The following SCML4 variants were observed in gnomAD, a reference collection of about 807,000 sequenced individuals.
SCML4 encodes the protein Scm polycomb group protein like 4.
A neutral mutation model predicts 41.1 loss-of-function variants in SCML4; 34 were observed. The ratio of observed to expected loss-of-function variants is 0.83; its 90% CI spans 0.63 to 1.10. The LOEUF (loss-of-function observed/expected upper bound fraction) is 1.10, where lower values mean the gene tolerates loss of function less well. Among genes scored for constraint, SCML4 ranks in the 50% least tolerant of loss-of-function variants. SCML4 has a pLI of 0.00. For synonymous variants in SCML4, 214 were observed against 220.9 expected (o/e 0.97, Z 0.28); for missense variants, 522 against 534.1 (o/e 0.98, Z 0.22).
At chr6:107,775,764 C>T (rs1453591093) in intron 1 of SCML4, among the ~76,000 whole-genome samples, 6 of 152,044 alleles carry the variant, frequency 3.9e-5, no homozygotes, top group African/African-American at 1.4e-4. Flanking sequence ...GGAAGATTTG[C>T]CCTCCTAGTT....
chr6:107,705,304 G>T lies in SCML4; in HGVS notation c.1141C>A (p.Leu381Met). The T allele has an allele frequency of 6.4e-7, 1 of 1,551,362 alleles. No individual in the cohort carries two copies. Among genetic ancestry groups the T allele is most frequent in the Non-Finnish European group, 8.7e-7 (1 of 1,146,400 alleles). ...RKHEIDGNAL[L>M]LLKSDMVMKY... ...ATGACCATGTCACTCTTCAGCAACA[G>T]CAGAGCGTTGCCATCAATCTCCTGG... The change falls in exon 8 of 8, where the codon CTG (leucine) becomes ATG (methionine). Residue 381 changes from leucine (L) to methionine (M), a missense_variant. Coordinates refer to ENST00000369020, the MANE Select transcript of SCML4 (RefSeq NM_198081.5).
intron 5 of SCML4, among the ~76,000 whole-genome samples, chr6:107,728,069 A>G (rs1430783762): frequency 6.6e-6 from 1 of 152,266 alleles, no homozygotes; most frequent in African/African-American, 2.4e-5. Flanking sequence ...GAGCTTATAT[A>G]TAAATTCTTT....
chr6:107,825,936 C>CAAAAAAA (rs71015515), upstream of SCML4, among the ~76,000 whole-genome samples: 83 of 62,492 alleles, frequency 1.3e-3, no homozygotes, highest in African/African-American at 3.8e-3. Flanking sequence ...GACTCCATCT[C>CAAAAAAA]AAAAAAAAAA....
chr6:107,763,394 T>C (rs1779771122), intron 2 of SCML4, among the ~76,000 whole-genome samples: 2 of 151,124 alleles, frequency 1.3e-5, no homozygotes, highest in Non-Finnish European at 3.0e-5. Context: ...TTTTTTTTTT[T>C]GTATGTTTTT....
In SCML4 at chr6:107,805,595, G is replaced by A. The variant is rs529607737; in HGVS notation, c.-60+18531C>T. Among the ~76,000 whole-genome samples, 53 of 152,294 alleles carry A rather than the reference G, an allele frequency of 3.5e-4. 1 individual carries two copies. The highest frequency in any genetic ancestry group is 3.0e-3 in the Admixed American group (46 of 15,290). ...ATGGGCCCTGGTGTTTCTGTTACAT[G>A]AAAGCTGTCAAACTACACTTGAAAA... On this transcript the variant is annotated intron_variant, in intron 1 of 7. Transcript: ENST00000369020.
intron 2 of SCML4, among the ~76,000 whole-genome samples, chr6:107,758,858 C>A (rs541077559): frequency 6.6e-6 from 1 of 152,288 alleles, no homozygotes; most frequent in South Asian, 2.1e-4. Context: ...TTCTTTGTTA[C>A]AGCAGCCCTA....
At chr6:107,753,992 G>C (rs1222140732) in intron 2 of SCML4, among the ~76,000 whole-genome samples, 1 of 152,244 alleles carries the variant, frequency 6.6e-6, no homozygotes, top group Non-Finnish European at 1.5e-5. Context: ...TATGGAAGCT[G>C]AGTGGGAGGA....
chr6:107,744,634 G>A (rs903233369), intron 5 of SCML4, among the ~76,000 whole-genome samples: 1 of 152,162 alleles, frequency 6.6e-6, no homozygotes, highest in Non-Finnish European at 1.5e-5. Context: ...AGAGGAGAGT[G>A]CAGAAACTTA....
chr6:107,756,335 C>T (rs569383727), intron 2 of SCML4, among the ~76,000 whole-genome samples: 1 of 152,318 alleles, frequency 6.6e-6, no homozygotes, highest in African/African-American at 2.4e-5. Context: ...GAAAATGCCA[C>T]GTCACCTCTG....
the SCML4 span, among the ~76,000 whole-genome samples, chr6:107,842,743 G>A: frequency 1.3e-5 from 2 of 152,198 alleles, no homozygotes; most frequent in Non-Finnish European, 2.9e-5. Flanking sequence ...ATTGAGAGAA[G>A]AATGTTGGAA....
chr6:107,720,046 TGGG>T (rs1775210949), intron 6 of SCML4: 1 of 985,360 alleles, frequency 1.0e-6, no homozygotes, highest in African/African-American at 1.7e-5. Context: ...CAACCAGCAT[TGGG>T]GGAATTTTGC....
At chr6:107,749,230 T>C (rs959079238) in intron 3 of SCML4, among the ~76,000 whole-genome samples, 2 of 152,044 alleles carry the variant, frequency 1.3e-5, no homozygotes, top group African/African-American at 2.4e-5. Context: ...TAGACAGAGA[T>C]TGGGATACCT....
At chr6:107,809,514 A>G (rs954936594) in intron 1 of SCML4, among the ~76,000 whole-genome samples, 6 of 152,218 alleles carry the variant, frequency 3.9e-5, no homozygotes, top group African/African-American at 1.4e-4. Flanking sequence ...TAGATGGAGA[A>G]AGGGAGAATG....
chr6:107,799,780 T>C (rs951435736), intron 1 of SCML4, among the ~76,000 whole-genome samples: 2 of 152,146 alleles, frequency 1.3e-5, no homozygotes, highest in African/African-American at 4.8e-5. Flanking sequence ...CCAGTGATTT[T>C]TATGTCTTAT....
At chr6:107,733,910 C>T (rs1776796867) in intron 5 of SCML4, among the ~76,000 whole-genome samples, 1 of 152,234 alleles carries the variant, frequency 6.6e-6, no homozygotes, top group Admixed American at 6.5e-5. Flanking sequence ...ACAGACACAA[C>T]TATTTGATAG....
At chr6:107,765,531 A>C (rs958336825) in intron 2 of SCML4, among the ~76,000 whole-genome samples, 4 of 152,220 alleles carry the variant, frequency 2.6e-5, no homozygotes, top group Non-Finnish European at 2.9e-5. Flanking sequence ...TAAAAATTAC[A>C]GTATATACAC....
intron 5 of SCML4, chr6:107,740,253 C>A (rs1777463437): frequency 2.3e-6 from 1 of 434,576 alleles, no homozygotes; most frequent in Non-Finnish European, 4.7e-6. Context: ...GTGAGACCAC[C>A]ATGCGGGTCT....
chr6:107,769,036 A>G (rs556365472), intron 2 of SCML4, among the ~76,000 whole-genome samples: 6 of 152,330 alleles, frequency 3.9e-5, no homozygotes, highest in Non-Finnish European at 8.8e-5. Flanking sequence ...CTCTGAACTA[A>G]GGACCTCAAC....
intron 2 of SCML4, chr6:107,755,699 T>C: frequency 1.8e-6 from 2 of 1,098,096 alleles, no homozygotes; most frequent in East Asian, 5.4e-5. Flanking sequence ...ATTTTGTTTT[T>C]TAAATGGACA....
Sources: gnomAD v4.1 joint callset for allele counts (sites outside exome capture counted in the v4.1 genomes callset) on GRCh38, gnomAD v4.1.1 for gene constraint, MANE v1.5 for transcripts, NCBI Gene and HGNC (gene_info 2026-07-23, HGNC 2026-07-21) for gene names.